Variants in ZNF560 observed in about 807,000 individuals in gnomAD.
The protein encoded by ZNF560 is zinc finger protein 560.
A neutral mutation model predicts 81.8 loss-of-function variants in ZNF560; 54 were observed. That is an observed-to-expected ratio of 0.66 (90% CI 0.53 to 0.83). The LOEUF (loss-of-function observed/expected upper bound fraction) is 0.83, where lower values mean the gene tolerates loss of function less well. Ranked by LOEUF, ZNF560 falls within the 40% of genes least tolerant of loss-of-function variation. The pLI, the probability that ZNF560 is intolerant of heterozygous loss-of-function variation, is 0.00. For missense variants in ZNF560, 940 were observed against 932.4 expected, an observed-to-expected ratio of 1.01 and a Z score of -0.11; for synonymous variants, 321 against 317.9, an observed-to-expected ratio of 1.01 and a Z score of -0.10.
At chr19:9,454,398 C>T in the ZNF560 span, among the ~76,000 whole-genome samples, 8 of 152,290 alleles carry the variant, frequency 5.3e-5, no homozygotes, top group South Asian at 4.2e-4. Flanking sequence ...CAGCAAGTGG[C>T]GCCCAAACAT....
At chr19:9,475,459 C>A (rs1471229116) in intron 2 of ZNF560, 90 bp from the exon 3 acceptor site, 3 of 693,576 alleles carry the variant, frequency 4.3e-6, no homozygotes, top group Non-Finnish European at 7.3e-6. Context: ...GTTCGAAATT[C>A]TCTTATAATT....
At position 9,469,646 on chromosome 19, in the gene ZNF560, C is replaced by T. The variant is rs995950913; in HGVS notation, c.513G>A (p.Leu171=). 4.3e-6 allele frequency: 7 copies of T among 1,614,006 alleles called. No individual in the cohort carries two copies. The highest frequency in any genetic ancestry group is 5.9e-6 in the Non-Finnish European group (7 of 1,179,990). Residue 171 remains leucine, a synonymous_variant, in exon 8 of 10, where the codon CTG becomes CTA. Coordinates refer to ENST00000301480, the MANE Select transcript of ZNF560 (RefSeq NM_152476.3). ...AACACTCACCTTGGAGAACTCTTGG[C>T]AGTGTGCTCAACTCTTCCTCTTCCT... The part of the protein sequence containing the change: ...WLEEEEELST[L]PRVLQEWKMC...
chr19:9,504,119 A>G, the ZNF560 span, among the ~76,000 whole-genome samples: 1 of 152,140 alleles, frequency 6.6e-6, no homozygotes, highest in South Asian at 2.1e-4. Context: ...GGTACTTTAT[A>G]TATATTCAGT....
chr19:9,451,957 TC>T, the ZNF560 span, among the ~76,000 whole-genome samples: 1 of 152,014 alleles, frequency 6.6e-6, no homozygotes, highest in Non-Finnish European at 1.5e-5. Context: ...ACATCTGTAA[TC>T]CCAGCTACTC....
chr19:9,468,238 T>A lies in ZNF560; in HGVS notation c.709A>T (p.Asn237Tyr). 1 of 1,614,162 alleles carries A rather than the reference T, an allele frequency of 6.2e-7. No homozygotes were observed. Among genetic ancestry groups the A allele is most frequent in the South Asian group, 1.1e-5 (1 of 91,078 alleles). The stretch of plus-strand genomic sequence containing the variant: ...ATACATTCAGACGTGTTGCCTCTAT[T>A]TTGAGTACTCATGTTGGTCTTAAGG... ...PCLKTNMSTQ[N>Y]RGNTSECIQY... The change falls in exon 10 of 10, where the codon AAT (asparagine) becomes TAT (tyrosine). Residue 237 changes from asparagine to tyrosine, a missense_variant. Coordinates refer to ENST00000301480, the MANE Select transcript of ZNF560 (RefSeq NM_152476.3).
intron 2 of ZNF560, among the ~76,000 whole-genome samples, chr19:9,486,858 T>A (rs1181517972): frequency 6.6e-6 from 1 of 152,244 alleles, no homozygotes; most frequent in East Asian, 1.9e-4. Context: ...CCTATGTAGC[T>A]GTTAGATATA....
At chr19:9,469,879 T>C in intron 7 of ZNF560, 169 bp from the exon 8 acceptor site, 1 of 586,034 alleles carries the variant, frequency 1.7e-6, no homozygotes, top group East Asian at 2.8e-5. Context: ...CCTCTGAAAT[T>C]CACATTCAAG....
intron 8 of ZNF560, 49 bp downstream of exon 8, chr19:9,469,581 C>A: frequency 6.5e-7 from 1 of 1,544,110 alleles, no homozygotes; most frequent in Non-Finnish European, 9.0e-7. Flanking sequence ...TGCTTCCAAA[C>A]GTACTGAGAA....
chr19:9,478,170 C>T (rs894960752), intron 2 of ZNF560, among the ~76,000 whole-genome samples: 6 of 151,984 alleles, frequency 3.9e-5, no homozygotes, highest in African/African-American at 9.7e-5. Flanking sequence ...CACATATGAA[C>T]GAGTTCCAAT....
At chr19:9,471,430 A>G (rs1356243234) in intron 5 of ZNF560, 52 bp from the exon 6 acceptor site, 10 of 1,302,684 alleles carry the variant, frequency 7.7e-6, no homozygotes, top group Non-Finnish European at 1.0e-5. Context: ...AAAAAAGGTA[A>G]AATGAAAGAG....
In ZNF560 at chr19:9,467,168, T is replaced by C. The variant is rs771379355; in HGVS notation, c.1779A>G (p.Arg593=). Residue 593 remains arginine, a synonymous_variant, in exon 10 of 10, where the codon AGA becomes AGG. Transcript: ENST00000301480. ...ATTCATATGGCTTCTCTCCACTGTG[T>C]CTTCGTAAATGTTTAGTAAGGTATG... ...ERSYLTKHLR[R]HSGEKPYECK... The C allele has an allele frequency of 5.6e-6, 9 of 1,613,568 alleles. No individual in the cohort carries two copies. Among genetic ancestry groups the C allele is most frequent in the Non-Finnish European group, 7.6e-6 (9 of 1,179,894 alleles).
At chr19:9,454,675 T>C in the ZNF560 span, among the ~76,000 whole-genome samples, 1 of 152,118 alleles carries the variant, frequency 6.6e-6, no homozygotes. Context: ...TTGCCCCTGG[T>C]TTCCGACTGA....
intron 2 of ZNF560, among the ~76,000 whole-genome samples, chr19:9,490,572 C>T (rs1230574659): frequency 6.6e-6 from 1 of 152,206 alleles, no homozygotes; most frequent in African/African-American, 2.4e-5. Context: ...CTGTGGGCCA[C>T]ACAGTCTCTG....
At chr19:9,471,413 TTTTA>T (rs2073119382) in intron 5 of ZNF560, 35 bp from the exon 6 acceptor site, 1 of 1,419,790 alleles carries the variant, frequency 7.0e-7, no homozygotes, top group African/African-American at 1.5e-5. Flanking sequence ...TTTTTTTTTT[TTTTA>T]AAAAAAAAGG....
chr19:9,503,912 A>G, the ZNF560 span, among the ~76,000 whole-genome samples: 1 of 152,236 alleles, frequency 6.6e-6, no homozygotes, highest in Non-Finnish European at 1.5e-5. Flanking sequence ...TATGAATATA[A>G]TACAGAATAA....
rs556059985 is a variant in ZNF560 at position 9,468,131 on chromosome 19, T to C, written c.816A>G (p.Lys272=). 1 of 1,614,034 alleles carries C rather than the reference T, an allele frequency of 6.2e-7. No homozygotes were observed. Among genetic ancestry groups the C allele is most frequent in the South Asian group, 1.1e-5 (1 of 91,054 alleles). ...RKVSVFSKHG[K]SFRLILNVQV... Reference sequence around the variant, plus strand: ...GAACATTTAAAATCAGGCGGAAAGATTTTCCATGCTTACTGAACACAGAAA... The same window carrying C: ...GAACATTTAAAATCAGGCGGAAAGACTTTCCATGCTTACTGAACACAGAAA... The change falls in exon 10 of 10, where the codon AAA becomes AAG. Residue 272 remains lysine, a synonymous_variant. Transcript: ENST00000301480.
intron 2 of ZNF560, among the ~76,000 whole-genome samples, chr19:9,484,223 C>T (rs956616614): frequency 2.0e-5 from 3 of 151,920 alleles, no homozygotes; most frequent in Admixed American, 2.0e-4. Flanking sequence ...TGCTGACCTT[C>T]CCTCCACTAT....
At chr19:9,464,800 C>T (rs535119026), downstream of ZNF560, among the ~76,000 whole-genome samples, 4 of 152,180 alleles carry the variant, frequency 2.6e-5, no homozygotes, top group South Asian at 2.1e-4. Flanking sequence ...GAATGAGCAG[C>T]GGGGTGTAAG....
intron 6 of ZNF560, among the ~76,000 whole-genome samples, chr19:9,471,082 G>C (rs1236260213): frequency 6.6e-6 from 1 of 152,114 alleles, no homozygotes; most frequent in African/African-American, 2.4e-5. Context: ...ATGAGTCTTT[G>C]TTGATATCAT....
Sources: allele counts gnomAD v4.1 joint callset (sites outside exome capture counted in the v4.1 genomes callset), GRCh38; gene constraint gnomAD v4.1.1; transcripts MANE v1.5; gene names NCBI Gene and HGNC (gene_info 2026-07-23, HGNC 2026-07-21).